LYPD5: variants seen among roughly 807,000 people sequenced by gnomAD.
LYPD5 encodes the protein LY6/PLAUR domain containing 5.
Under a neutral mutation model 19.1 loss-of-function variants are expected in LYPD5, and 21 were observed. The ratio of observed to expected loss-of-function variants is 1.10; its 90% CI spans 0.78 to 1.58. The LOEUF (loss-of-function observed/expected upper bound fraction) is 1.58, where lower values mean the gene tolerates loss of function less well. Among genes scored for constraint, LYPD5 ranks in the 40% most tolerant of loss-of-function variants. The pLI, the probability that LYPD5 is intolerant of heterozygous loss-of-function variation, is 0.00. For missense variants in LYPD5, 287 were observed against 329.8 expected, an observed-to-expected ratio of 0.87 and a Z score of 1.00; for synonymous variants, 128 against 142.7, an observed-to-expected ratio of 0.90 and a Z score of 0.74.
Position 43,799,839 on chromosome 19 carries a change from G to A in LYPD5, c.65-5C>T, listed in dbSNP as rs1326111517. 2 of 1,607,806 alleles carry A rather than the reference G, an allele frequency of 1.2e-6. No individual in the cohort carries two copies. The highest frequency in any genetic ancestry group is 1.1e-5 in the South Asian group (1 of 89,604). The stretch of plus-strand genomic sequence containing the variant: ...AGCACTGCAGGGCTTGGGACCCTGG[G>A]GAGAGAGGCGTGGCAGAGTCAGCAG... On this transcript the variant is annotated splice_region_variant and splice_polypyrimidine_tract_variant and intron_variant, in intron 1 of 4. Transcript: ENST00000377950.
upstream of LYPD5, among the ~76,000 whole-genome samples, chr19:43,804,005 T>C (rs542047812): frequency 1.3e-5 from 2 of 151,754 alleles, no homozygotes; most frequent in Non-Finnish European, 2.9e-5. Context: ...GCCTGGCTAA[T>C]TTTTGTATTT....
intron 4 of LYPD5, among the ~76,000 whole-genome samples, chr19:43,798,045 C>T (rs1288886881): frequency 6.6e-6 from 1 of 151,580 alleles, no homozygotes; most frequent in Admixed American, 6.6e-5. Flanking sequence ...TGCCTCTTCC[C>T]TCAGACCAGG....
chr19:43,799,696 C>T lies in LYPD5; in HGVS notation c.193+10G>A, dbSNP rs752893556. 1.8e-5 allele frequency: 29 copies of T among 1,611,600 alleles called. No homozygotes were observed. Among genetic ancestry groups the T allele is most frequent in the East Asian group, 8.9e-5 (4 of 44,834 alleles). On this transcript the variant is annotated intron_variant, in intron 2 of 4. Transcript: ENST00000377950. Reference sequence around the variant, plus strand: ...TCTCTCATCCCTGTCCCCCGGCTCCCGCTCCTTACCGGTGTCCAGAGACAG... The same window carrying T: ...TCTCTCATCCCTGTCCCCCGGCTCCTGCTCCTTACCGGTGTCCAGAGACAG...
intron 1 of LYPD5, among the ~76,000 whole-genome samples, chr19:43,801,723 A>G (rs554640374): frequency 3.9e-5 from 6 of 152,222 alleles, no homozygotes; most frequent in African/African-American, 1.4e-4. Flanking sequence ...CTCATAGGAC[A>G]TACTGAACCT....
intron 1 of LYPD5, among the ~76,000 whole-genome samples, chr19:43,800,460 C>T (rs1349726138): frequency 6.6e-6 from 1 of 152,190 alleles, no homozygotes; most frequent in Non-Finnish European, 1.5e-5. Flanking sequence ...GCACTTCACA[C>T]ATGGAAAATC....
chr19:43,803,561 A>G (rs1208870989), upstream of LYPD5, among the ~76,000 whole-genome samples: 5 of 152,176 alleles, frequency 3.3e-5, no homozygotes, highest in African/African-American at 1.2e-4. Context: ...GGTGACCAAA[A>G]GAGCCTTAAT....
chr19:43,818,605 T>C (rs118141497), intron 1 of LYPD5, among the ~76,000 whole-genome samples: 2,752 of 152,280 alleles, frequency 0.018, 43 homozygotes, highest in Non-Finnish European at 0.026. Context: ...GCCCTGGGGC[T>C]TGAGACAAGT....
At position 43,811,834 on chromosome 19, in the gene LYPD5, C is replaced by T. The variant is rs541695887; in HGVS notation, c.-66+8706G>A. Among the ~76,000 whole-genome samples the T allele has an allele frequency of 1.6e-4, 25 of 152,168 alleles. No individual in the cohort carries two copies. In the East Asian group the frequency reaches 4.6e-3, roughly 28 times the overall value. On this transcript the variant is annotated intron_variant, in intron 1 of 4. Transcript: ENST00000414615. ...TGTGGATCAAAATTGTCAACATTTGCCATATTTGCTTATTCTATCTCTATC... is the reference window on the plus strand; with the variant it reads ...TGTGGATCAAAATTGTCAACATTTGTCATATTTGCTTATTCTATCTCTATC...
chr19:43,798,702 T>C (rs1599692756), intron 3 of LYPD5, 101 bp from the exon 4 acceptor site: 2 of 1,470,058 alleles, frequency 1.4e-6, no homozygotes, highest in East Asian at 2.8e-5. Context: ...GTCTCGGGGG[T>C]TGGGATCCTA....
rs539154424 is a variant in LYPD5 at position 43,796,869 on chromosome 19, G to A, written c.*722C>T. On this transcript the variant is annotated 3_prime_UTR_variant, in exon 5 of 5. Coordinates refer to ENST00000377950, the MANE Select transcript of LYPD5 (RefSeq NM_001031749.3). ...ACTACTGTGAAGTAGTTCTTGTCAT[G>A]TTATAGAGTTTATTTTCACCTCCAC... The A allele has an allele frequency of 6.6e-6, 1 of 152,352 alleles. No homozygotes were observed. The highest frequency in any genetic ancestry group is 1.5e-5 in the Non-Finnish European group (1 of 68,036). 9.4% of individuals were successfully genotyped at this position (152,352 alleles called of 1,614,324 possible). A position where few individuals can be genotyped will look rare whatever the true frequency, so the allele number is the denominator to read the frequency against.
At chr19:43,801,653 C>T (rs1970224501) in intron 1 of LYPD5, among the ~76,000 whole-genome samples, 2 of 152,144 alleles carry the variant, frequency 1.3e-5, no homozygotes, top group South Asian at 2.1e-4. Context: ...GACCCACAAA[C>T]GCATTTGTTC....
At chr19:43,810,234 CT>C (rs947812778) in intron 1 of LYPD5, among the ~76,000 whole-genome samples, 9 of 151,900 alleles carry the variant, frequency 5.9e-5, no homozygotes, top group South Asian at 2.1e-4. Context: ...ATCTTTATGC[CT>C]TTTTTTTCTT....
chr19:43,809,133 G>A (rs879879918), intron 1 of LYPD5, among the ~76,000 whole-genome samples: 3 of 151,874 alleles, frequency 2.0e-5, no homozygotes, highest in Non-Finnish European at 2.9e-5. Flanking sequence ...TCCACCTCCC[G>A]GGTTCAAGTG....
At chr19:43,800,200 CT>C (rs1443660516) in intron 1 of LYPD5, among the ~76,000 whole-genome samples, 1 of 152,192 alleles carries the variant, frequency 6.6e-6, no homozygotes, top group African/African-American at 2.4e-5. Flanking sequence ...TAAGAGACCC[CT>C]GACAAGAAAC....
intron 4 of LYPD5, among the ~76,000 whole-genome samples, chr19:43,798,119 T>C (rs1381121984): frequency 9.0e-5 from 3 of 33,162 alleles, no homozygotes; most frequent in Admixed American, 3.6e-4. Flanking sequence ...ATGGCCTCCT[T>C]CCTCAGAGCA....
chr19:43,813,778 C>G (rs1452464859), intron 1 of LYPD5, among the ~76,000 whole-genome samples: 1 of 152,176 alleles, frequency 6.6e-6, no homozygotes, highest in Non-Finnish European at 1.5e-5. Flanking sequence ...ACCTCTGCCT[C>G]CCGGGTTCAA....
chr19:43,810,550 C>G (rs1440024024), intron 1 of LYPD5, among the ~76,000 whole-genome samples: 7 of 117,482 alleles, frequency 6.0e-5, no homozygotes, highest in Non-Finnish European at 1.3e-4. Flanking sequence ...CCTCCCCTCC[C>G]CTCCCTTCCC....
At chr19:43,809,531 C>G (rs1350402099) in intron 1 of LYPD5, among the ~76,000 whole-genome samples, 1 of 152,210 alleles carries the variant, frequency 6.6e-6, no homozygotes, top group African/African-American at 2.4e-5. Flanking sequence ...GCGACTGCCA[C>G]CACGCCCGGC....
In LYPD5 at chr19:43,798,488, CGGTCTGGTCCT is replaced by C; in HGVS notation, c.473_483del (p.Gln158ArgfsTer48). ...ATTCTGCCATTGCCCTGGAAGCAGG[CGGTCTGGTCCT>C]GGTGACACTGGACTCGTCGGGACCT... is the stretch of plus-strand genomic sequence containing the variant. On this transcript the variant is annotated frameshift_variant, in exon 4 of 5. Coordinates refer to ENST00000377950, the MANE Select transcript of LYPD5 (RefSeq NM_001031749.3). LOFTEE classifies it low-confidence loss of function (END_TRUNC). 6.2e-7 allele frequency: 1 copy of C among 1,609,104 alleles called. No homozygotes were observed. Among genetic ancestry groups the C allele is most frequent in the Non-Finnish European group, 8.5e-7 (1 of 1,180,010 alleles).
Sources: gnomAD v4.1 joint callset for allele counts (sites outside exome capture counted in the v4.1 genomes callset) on GRCh38, gnomAD v4.1.1 for gene constraint, MANE v1.5 for transcripts, NCBI Gene and HGNC (gene_info 2026-07-23, HGNC 2026-07-21) for gene names.